Variants in MYZAP observed in about 807,000 individuals in gnomAD.
MYZAP encodes GRINL1A complex locus upstream.
A neutral mutation model predicts 69.4 loss-of-function variants in MYZAP; 66 were observed. That is an observed-to-expected ratio of 0.95 (90% CI 0.78 to 1.17). MYZAP has a LOEUF of 1.17. MYZAP is among the 50% of genes most tolerant of loss of function. The pLI is 0.00. For synonymous variants in MYZAP, 256 were observed against 205.9 expected (o/e 1.24, Z -2.09); for missense variants, 611 against 556.2 (o/e 1.10, Z -0.99).
intron 1 of MYZAP, among the ~76,000 whole-genome samples, chr15:57,592,556 G>A (rs1200077247): frequency 1.3e-5 from 2 of 152,132 alleles, no homozygotes; most frequent in East Asian, 3.9e-4. Flanking sequence ...GGGTAATTCT[G>A]GAGTGGGGTT....
At chr15:57,653,203 C>T (rs1405064583) in intron 10 of MYZAP, among the ~76,000 whole-genome samples, 1 of 151,892 alleles carries the variant, frequency 6.6e-6, no homozygotes, top group Non-Finnish European at 1.5e-5. Flanking sequence ...ATTTTGAAAA[C>T]AATGAAATGA....
At chr15:57,631,655 C>G (rs1262223337) in intron 6 of MYZAP, among the ~76,000 whole-genome samples, 1 of 152,066 alleles carries the variant, frequency 6.6e-6, no homozygotes, top group African/African-American at 2.4e-5. Flanking sequence ...TTCTTGGTGC[C>G]AACACTTACC....
Position 57,665,753 on chromosome 15 carries a change from A to T in MYZAP, c.1203+4220A>T, listed in dbSNP as rs574003160. Among the ~76,000 whole-genome samples the T allele has an allele frequency of 9.8e-5, 15 of 152,350 alleles. 1 individual carries two copies. Among genetic ancestry groups the T allele is most frequent in the Admixed American group, 4.6e-4 (7 of 15,310 alleles). Reference sequence around the variant, plus strand: ...GATGTCATGTTGGTCGCTTGCAATTAGCTATGGAGGAGGTCTTGACACCAC... The same window carrying T: ...GATGTCATGTTGGTCGCTTGCAATTTGCTATGGAGGAGGTCTTGACACCAC... On this transcript the variant is annotated intron_variant, in intron 11 of 12. Coordinates refer to ENST00000267853, the MANE Select transcript of MYZAP (RefSeq NM_001018100.5).
chr15:57,638,665 T>C (rs896493686), intron 9 of MYZAP, among the ~76,000 whole-genome samples: 3 of 152,132 alleles, frequency 2.0e-5, no homozygotes, highest in Non-Finnish European at 2.9e-5. Flanking sequence ...GGAGAATAAA[T>C]TGTGCTGTTG....
In MYZAP at chr15:57,676,430, ATATATG is replaced by A. The variant is rs1386054724; in HGVS notation, c.1304+1368_1304+1373del. ...TATATGTATATATATGTGTATATAT[ATATATG>A]TATATATATATATATATATATACAT... On this transcript the variant is annotated intron_variant, in intron 12 of 12. Coordinates refer to ENST00000267853, the MANE Select transcript of MYZAP (RefSeq NM_001018100.5). 2.3e-3 allele frequency among the ~76,000 whole-genome samples: 205 copies of A among 89,700 alleles called. 2 individuals are homozygous for A. In the East Asian group the frequency reaches 0.023, roughly 10 times the overall value. 58.8% of individuals were successfully genotyped at this position (89,700 alleles called of 152,430 possible). A position where few individuals can be genotyped will look rare whatever the true frequency, so the allele number is the denominator to read the frequency against.
intron 11 of MYZAP, among the ~76,000 whole-genome samples, chr15:57,667,130 A>G (rs1425139693): frequency 6.6e-6 from 1 of 152,198 alleles, no homozygotes; most frequent in African/African-American, 2.4e-5. Flanking sequence ...TGTGTTGTGT[A>G]GCACCTGAGC....
intron 10 of MYZAP, among the ~76,000 whole-genome samples, chr15:57,651,741 G>A (rs1227187255): frequency 1.2e-4 from 19 of 152,164 alleles, no homozygotes; most frequent in African/African-American, 3.9e-4. Context: ...TCTGAGAATC[G>A]TGAGCTAAGC....
chr15:57,675,741 C>T (rs2140635251), intron 12 of MYZAP, among the ~76,000 whole-genome samples: 1 of 152,288 alleles, frequency 6.6e-6, no homozygotes, highest in South Asian at 2.1e-4. Flanking sequence ...ACATTAGAGC[C>T]TGTAACACAG....
intron 11 of MYZAP, among the ~76,000 whole-genome samples, chr15:57,669,600 G>A (rs74477417): frequency 6.6e-6 from 1 of 151,970 alleles, no homozygotes. Flanking sequence ...TTTGGCTTTG[G>A]TGATTTTCTC....
At chr15:57,604,177 G>A in intron 1 of MYZAP, 92 bp from the exon 2 acceptor site, 1 of 1,316,438 alleles carries the variant, frequency 7.6e-7, no homozygotes, top group Non-Finnish European at 1.1e-6. Context: ...AATGGAAGTA[G>A]GGGAAATGGG....
chr15:57,636,677 T>A (rs570005018), intron 8 of MYZAP, among the ~76,000 whole-genome samples: 1 of 152,346 alleles, frequency 6.6e-6, no homozygotes, highest in East Asian at 1.9e-4. Flanking sequence ...TTAGCACAAT[T>A]TCGGTTATGA....
chr15:57,685,062 G>C lies in MYZAP; in HGVS notation c.*564G>C, dbSNP rs2039628776. ...TGTGCAGGGTCGTGGGAGCCACACT[G>C]AGAGACTTGTGTGGGCCAGACAAGC... On this transcript the variant is annotated 3_prime_UTR_variant, in exon 13 of 13. Transcript: ENST00000267853. The C allele has an allele frequency of 6.6e-6, 1 of 152,214 alleles. No individual in the cohort carries two copies. Among genetic ancestry groups the C allele is most frequent in the African/African-American group, 2.4e-5 (1 of 41,444 alleles). The allele number at this position is 152,214 out of a possible 1,614,324, so 9.4% of individuals were successfully genotyped here. A position where few individuals can be genotyped will look rare whatever the true frequency, so the allele number is the denominator to read the frequency against.
intron 6 of MYZAP, among the ~76,000 whole-genome samples, chr15:57,630,223 C>A (rs1157917687): frequency 1.3e-5 from 2 of 152,212 alleles, no homozygotes; most frequent in Admixed American, 1.3e-4. Flanking sequence ...CTGCCTTGGC[C>A]TCCCAAAGTG....
Position 57,640,947 on chromosome 15 carries a change from A to G in MYZAP, c.1119+1402A>G, listed in dbSNP as rs148925971. Among the ~76,000 whole-genome samples the G allele has an allele frequency of 1.5e-4, 23 of 152,268 alleles. No individual in the cohort carries two copies. In the East Asian group the frequency reaches 3.9e-3, roughly 26 times the overall value. On this transcript the variant is annotated intron_variant, in intron 10 of 12. Transcript: ENST00000267853. ...AACACTAGGTAGATGTCAGGAGTGT[A>G]TTTTCCAAGGAAAAGCATCACTTTG...
At chr15:57,628,380 A>G (rs1480397605) in intron 5 of MYZAP, among the ~76,000 whole-genome samples, 1 of 151,988 alleles carries the variant, frequency 6.6e-6, no homozygotes, top group African/African-American at 2.4e-5. Context: ...AGTGATCCTC[A>G]TGCCTCAGCC....
intron 11 of MYZAP, among the ~76,000 whole-genome samples, chr15:57,667,039 G>A (rs1186384155): frequency 6.6e-6 from 1 of 152,050 alleles, no homozygotes; most frequent in African/African-American, 2.4e-5. Flanking sequence ...TTCTCTGTCG[G>A]ATATACTACA....
intron 12 of MYZAP, among the ~76,000 whole-genome samples, chr15:57,682,453 G>A (rs1325782789): frequency 6.6e-6 from 1 of 151,970 alleles, no homozygotes; most frequent in African/African-American, 2.4e-5. Context: ...AAATCTCCCC[G>A]CCACTTCCCA....
intron 5 of MYZAP, among the ~76,000 whole-genome samples, chr15:57,627,170 T>C (rs1340909549): frequency 6.6e-6 from 1 of 152,120 alleles, no homozygotes; most frequent in African/African-American, 2.4e-5. Flanking sequence ...TATTTGCCAG[T>C]ATTTTCTGGC....
rs931302044 is a variant in MYZAP at position 57,639,442 on chromosome 15, A to G, written c.1016A>G (p.Tyr339Cys). The change falls in exon 10 of 13, where the codon TAT (tyrosine) becomes TGT (cysteine). Residue 339 changes from tyrosine to cysteine, a missense_variant and splice_region_variant. By Grantham distance (194) the Tyr-to-Cys change is radical. Coordinates refer to ENST00000267853, the MANE Select transcript of MYZAP (RefSeq NM_001018100.5). Reference sequence around the variant, plus strand: ...CTTTTTTCTCCTATTTGTGTTAGGTATCAGCAGTTGGAGGAGGCATCAGCC... The same window carrying G: ...CTTTTTTCTCCTATTTGTGTTAGGTGTCAGCAGTTGGAGGAGGCATCAGCC... ...GELTDSDKER[Y>C]QQLEEASASL... is the part of the protein sequence containing the mutation. 3 of 1,614,040 alleles carry G rather than the reference A, an allele frequency of 1.9e-6. No individual in the cohort carries two copies. The highest frequency in any genetic ancestry group is 1.1e-5 in the South Asian group (1 of 91,060).
Sources: gnomAD v4.1 joint callset for allele counts (sites outside exome capture counted in the v4.1 genomes callset) on GRCh38, gnomAD v4.1.1 for gene constraint, MANE v1.5 for transcripts, NCBI Gene and HGNC (gene_info 2026-07-23, HGNC 2026-07-21) for gene names.